UBE3C: variants seen among roughly 807,000 people sequenced by gnomAD.
The protein encoded by UBE3C is ubiquitin protein ligase E3C, also known as ubiquitin-protein ligase E3C.
UBE3C carries 42 observed loss-of-function variants against 129.4 expected under a neutral mutation model. The observed-to-expected ratio is 0.32, with a 90% CI of 0.25 to 0.42. The LOEUF is 0.42. Among genes scored for constraint, UBE3C ranks in the 10% least tolerant of loss-of-function variants. The pLI is 1.00. For synonymous variants in UBE3C, 510 were observed against 492.4 expected, an observed-to-expected ratio of 1.04 and a Z score of -0.47; for missense variants, 1,049 against 1,319.1, an observed-to-expected ratio of 0.80 and a Z score of 3.17.
chr7:157,182,071 T>C, intron 7 of UBE3C, 37 bp from the exon 8 acceptor site: 1 of 1,517,834 alleles, frequency 6.6e-7, no homozygotes, highest in Non-Finnish European at 8.8e-7. Context: ...GACAGTATAA[T>C]TTGATTTTAT....
At chr7:157,152,867 T>C (rs1807796100) in intron 1 of UBE3C, among the ~76,000 whole-genome samples, 1 of 152,140 alleles carries the variant, frequency 6.6e-6, no homozygotes, top group Non-Finnish European at 1.5e-5. Context: ...CTACATCTTT[T>C]GGAACTAATT....
chr7:157,191,516 C>G (rs533537791), intron 10 of UBE3C, among the ~76,000 whole-genome samples: 1 of 152,306 alleles, frequency 6.6e-6, no homozygotes, highest in East Asian at 1.9e-4. Context: ...GTCTCGAACA[C>G]CTGGGCCCAA....
At chr7:157,213,053 C>T (rs1219654308) in intron 13 of UBE3C, among the ~76,000 whole-genome samples, 3 of 152,104 alleles carry the variant, frequency 2.0e-5, no homozygotes, top group South Asian at 2.1e-4. Context: ...CCACCACGCC[C>T]GGCAGTGTGT....
intron 1 of UBE3C, among the ~76,000 whole-genome samples, chr7:157,149,714 A>T (rs145291088): frequency 6.6e-6 from 1 of 152,316 alleles, no homozygotes; most frequent in African/African-American, 2.4e-5. Context: ...ATGGTCTCAT[A>T]AGACCATAGA....
intron 10 of UBE3C, among the ~76,000 whole-genome samples, chr7:157,201,269 A>G (rs1194355105): frequency 6.6e-6 from 1 of 152,138 alleles, no homozygotes; most frequent in Non-Finnish European, 1.5e-5. Context: ...GGTTGCAGTG[A>G]GCCAAGATCG....
intron 11 of UBE3C, among the ~76,000 whole-genome samples, chr7:157,206,690 G>A (rs1809443646): frequency 2.0e-5 from 3 of 152,054 alleles, no homozygotes; most frequent in Non-Finnish European, 2.9e-5. Flanking sequence ...CTGGGCTCAA[G>A]CCATTCTCCT....
chr7:157,192,219 A>C (rs1586677072), intron 10 of UBE3C: 1 of 275,504 alleles, frequency 3.6e-6, no homozygotes, highest in Non-Finnish European at 7.0e-6. Context: ...TTTCCCGGGA[A>C]ATATGAGTAC....
At chr7:157,219,280 G>A (rs1795670688) in intron 14 of UBE3C, among the ~76,000 whole-genome samples, 2 of 152,184 alleles carry the variant, frequency 1.3e-5, no homozygotes, top group Non-Finnish European at 2.9e-5. Flanking sequence ...CCAGCAGTGT[G>A]CTTAGTGATT....
At chr7:157,175,369 T>C (rs1010967051) in intron 5 of UBE3C, among the ~76,000 whole-genome samples, 1 of 152,098 alleles carries the variant, frequency 6.6e-6, no homozygotes, top group African/African-American at 2.4e-5. Flanking sequence ...AATGATTCCA[T>C]TCCATAGGGG....
At chr7:157,164,064 G>A (rs774289951) in intron 2 of UBE3C, among the ~76,000 whole-genome samples, 1 of 152,114 alleles carries the variant, frequency 6.6e-6, no homozygotes, top group African/African-American at 2.4e-5. Context: ...TTTCCAGACT[G>A]GAGAAGGAAC....
At position 157,192,646 on chromosome 7, in the gene UBE3C, G is replaced by C. The variant is rs1809002425; in HGVS notation, c.1331+5625G>C. On this transcript the variant is annotated intron_variant, in intron 10 of 22. Coordinates refer to ENST00000348165, the MANE Select transcript of UBE3C (RefSeq NM_014671.3). ...ACTCCCAAGAAGAATAAGCGCAAGA[G>C]AAAGAAGGGGAAGCTGGCTGTCCTG... 3 of 766,418 alleles carry C rather than the reference G, an allele frequency of 3.9e-6. No homozygotes were observed. The Admixed American group carries it at 5.1e-5, about 13-fold the overall frequency. 47.5% of individuals were successfully genotyped at this position (766,418 alleles called of 1,614,324 possible). A position where few individuals can be genotyped will look rare whatever the true frequency, so the allele number is the denominator to read the frequency against.
intron 13 of UBE3C, among the ~76,000 whole-genome samples, chr7:157,212,805 C>T (rs950623787): frequency 6.6e-6 from 1 of 152,046 alleles, no homozygotes; most frequent in Non-Finnish European, 1.5e-5. Flanking sequence ...TTCTGTTGCC[C>T]AAGCTGGAGT....
chr7:157,224,098 T>TC (rs1305326473), intron 16 of UBE3C, among the ~76,000 whole-genome samples: 9 of 152,020 alleles, frequency 5.9e-5, no homozygotes, highest in African/African-American at 2.2e-4. Flanking sequence ...AGCCTCAAAC[T>TC]CCTGGGCGCA....
At chr7:157,210,984 A>T (rs933166779) in intron 13 of UBE3C, among the ~76,000 whole-genome samples, 1 of 152,160 alleles carries the variant, frequency 6.6e-6, no homozygotes. Context: ...AAATTTATAA[A>T]CTCCTCTTGA....
intron 10 of UBE3C, among the ~76,000 whole-genome samples, chr7:157,197,194 A>G (rs1249794039): frequency 2.0e-5 from 3 of 152,248 alleles, no homozygotes; most frequent in Non-Finnish European, 2.9e-5. Context: ...CAAATTTTCA[A>G]CTTATTTGAT....
intron 4 of UBE3C, among the ~76,000 whole-genome samples, chr7:157,173,530 T>C (rs1808436554): frequency 6.6e-6 from 1 of 152,220 alleles, no homozygotes; most frequent in South Asian, 2.1e-4. Flanking sequence ...TCAACATATA[T>C]GGCTATTTCT....
intron 10 of UBE3C, among the ~76,000 whole-genome samples, chr7:157,193,957 A>G (rs538103160): frequency 1.1e-4 from 17 of 152,320 alleles, no homozygotes; most frequent in East Asian, 9.6e-4. Flanking sequence ...ATTTACAAAA[A>G]TGGCAGTTGT....
chr7:157,195,997 A>ATGGATTT (rs1234097677), intron 10 of UBE3C, among the ~76,000 whole-genome samples: 1 of 152,234 alleles, frequency 6.6e-6, no homozygotes, highest in Non-Finnish European at 1.5e-5. Context: ...AATTAAGGTT[A>ATGGATTT]CTATGGATTT....
chr7:157,190,027 C>T (rs1053606628), intron 10 of UBE3C, among the ~76,000 whole-genome samples: 2 of 152,200 alleles, frequency 1.3e-5, no homozygotes, highest in African/African-American at 4.8e-5. Context: ...TCTCGAACTC[C>T]TGACCTCAGG....
Sources: allele counts gnomAD v4.1 joint callset (sites outside exome capture counted in the v4.1 genomes callset), GRCh38; gene constraint gnomAD v4.1.1; transcripts MANE v1.5; gene names NCBI Gene and HGNC (gene_info 2026-07-23, HGNC 2026-07-21).